The following FGD4 variants were observed in gnomAD, a reference collection of about 807,000 sequenced individuals.
The protein encoded by FGD4 is FYVE, RhoGEF and PH domain containing 4.
FGD4 carries 42 observed loss-of-function variants against 102.0 expected under a neutral mutation model. The observed-to-expected ratio is 0.41, with a 90% CI of 0.32 to 0.53. FGD4 has a LOEUF of 0.53. Ranked by LOEUF, FGD4 falls within the 20% of genes least tolerant of loss-of-function variation. The pLI, the probability that FGD4 is intolerant of heterozygous loss-of-function variation, is 0.21. For synonymous variants in FGD4, 380 were observed against 375.7 expected (o/e 1.01, Z -0.13); for missense variants, 902 against 1,078.2 (o/e 0.84, Z 2.29).
intron 1 of FGD4, among the ~76,000 whole-genome samples, chr12:32,519,462 A>G (rs1940271007): frequency 6.6e-6 from 1 of 152,086 alleles, no homozygotes; most frequent in Non-Finnish European, 1.5e-5. Context: ...CTGCAAGTAC[A>G]CTCAAACTTA....
At chr12:32,474,254 A>G (rs1943526741) in intron 1 of FGD4, among the ~76,000 whole-genome samples, 4 of 152,210 alleles carry the variant, frequency 2.6e-5, no homozygotes, top group Admixed American at 1.3e-4. Context: ...ACCTAGACAT[A>G]TACTCAAAAG....
At chr12:32,614,208 C>T (rs1949314040) in intron 10 of FGD4, among the ~76,000 whole-genome samples, 1 of 152,070 alleles carries the variant, frequency 6.6e-6, no homozygotes, top group Non-Finnish European at 1.5e-5. Context: ...AAATGTTGCA[C>T]CCAGATCAGC....
In FGD4 at chr12:32,625,733, T is replaced by C; in HGVS notation, c.2126T>C (p.Phe709Ser). ...VTMCMKCKEP[F>S]NALTRRRHHC... is the part of the protein sequence containing the mutation. Reference sequence around the variant, plus strand: ...ATGTGTATGAAATGTAAAGAACCTTTCAATGCACTGACACGAAGGAGGCAT... The same window carrying C: ...ATGTGTATGAAATGTAAAGAACCTTCCAATGCACTGACACGAAGGAGGCAT... Residue 709 changes from phenylalanine (F) to serine (S), a missense_variant, in exon 14 of 17, where the codon TTC (phenylalanine) becomes TCC (serine). Around this residue, in one of 2 missense-constraint regions of FGD4, gnomAD observed 459 missense variants for 619.0 expected, o/e 0.74. Coordinates refer to ENST00000534526, the MANE Select transcript of FGD4 (RefSeq NM_001370298.3). 1 of 1,614,084 alleles carries C rather than the reference T, an allele frequency of 6.2e-7. No individual in the cohort carries two copies. Among genetic ancestry groups the C allele is most frequent in the Non-Finnish European group, 8.5e-7 (1 of 1,180,006 alleles).
At chr12:32,605,414 G>A (rs1948716462) in intron 7 of FGD4, among the ~76,000 whole-genome samples, 1 of 151,190 alleles carries the variant, frequency 6.6e-6, no homozygotes, top group Non-Finnish European at 1.5e-5. Flanking sequence ...AGCTTCTTTT[G>A]CTAACTCTGA....
Position 32,479,393 on chromosome 12 carries a change from C to G in FGD4, c.166+79434C>G, listed in dbSNP as rs561504655. Among the ~76,000 whole-genome samples the G allele has an allele frequency of 8.9e-4, 136 of 152,120 alleles. 1 individual carries two copies. The highest frequency in any genetic ancestry group is 3.2e-3 in the African/African-American group (133 of 41,530). On this transcript the variant is annotated intron_variant, in intron 1 of 16. Coordinates refer to ENST00000534526, the MANE Select transcript of FGD4 (RefSeq NM_001370298.3). ...TATTTTTAATAGAAACGGGGTCTCC[C>G]TGTGTTGCCCAGGCTGGTCACAAAC...
chr12:32,588,638 T>C (rs760824979), intron 4 of FGD4, among the ~76,000 whole-genome samples: 1 of 152,184 alleles, frequency 6.6e-6, no homozygotes, highest in Non-Finnish European at 1.5e-5. Flanking sequence ...GTGACCATGA[T>C]TCTGAGAGCA....
At chr12:32,635,401 A>C (rs1293434983) in intron 15 of FGD4, among the ~76,000 whole-genome samples, 1 of 152,240 alleles carries the variant, frequency 6.6e-6, no homozygotes, top group Non-Finnish European at 1.5e-5. Context: ...CTGAGGAAAA[A>C]TTAATGAATT....
intron 1 of FGD4, among the ~76,000 whole-genome samples, chr12:32,480,906 T>C (rs1943740910): frequency 6.6e-6 from 1 of 151,134 alleles, no homozygotes; most frequent in Non-Finnish European, 1.5e-5. Context: ...TGGGCTTAAA[T>C]GATGCTCTCA....
At chr12:32,503,682 A>G (rs1447829333) in intron 1 of FGD4, among the ~76,000 whole-genome samples, 1 of 152,214 alleles carries the variant, frequency 6.6e-6, no homozygotes, top group African/African-American at 2.4e-5. Flanking sequence ...TCTTTTAATA[A>G]TAGTAGATAT....
At chr12:32,457,377 G>A (rs1942976332) in intron 1 of FGD4, among the ~76,000 whole-genome samples, 1 of 152,040 alleles carries the variant, frequency 6.6e-6, no homozygotes, top group Non-Finnish European at 1.5e-5. Context: ...GCCTAAAGAT[G>A]TCATGATCTT....
At chr12:32,412,898 A>ATTTTT (rs1203601981) in intron 1 of FGD4, among the ~76,000 whole-genome samples, 1 of 83,946 alleles carries the variant, frequency 1.2e-5, no homozygotes, top group African/African-American at 6.8e-5. Context: ...CTTTTCTAGA[A>ATTTTT]ATTTTTTTTT....
At position 32,643,207 on chromosome 12, in the gene FGD4, C is replaced by CT. The variant is rs1172790133; in HGVS notation, c.*2678dup. On this transcript the variant is annotated 3_prime_UTR_variant, in exon 17 of 17. Coordinates refer to ENST00000534526, the MANE Select transcript of FGD4 (RefSeq NM_001370298.3). ...TGTTAAGTATGAAATATAGTGCAGA[C>CT]TTTTATCTTGGTTTTAAGTGGGGCT... The CT allele has an allele frequency of 1.3e-5, 2 of 152,582 alleles. No homozygotes were observed. Among genetic ancestry groups the CT allele is most frequent in the African/African-American group, 4.8e-5 (2 of 41,544 alleles). The allele number at this position is 152,582 out of a possible 1,614,324, so 9.5% of individuals were successfully genotyped here.
intron 1 of FGD4, among the ~76,000 whole-genome samples, chr12:32,424,176 C>T (rs770465372): frequency 1.1e-4 from 17 of 152,120 alleles, no homozygotes; most frequent in Non-Finnish European, 2.2e-4. Context: ...TCCATCAACC[C>T]GTCATCTACA....
At chr12:32,480,814 T>A (rs1380758496) in intron 1 of FGD4, among the ~76,000 whole-genome samples, 13 of 147,528 alleles carry the variant, frequency 8.8e-5, no homozygotes, top group South Asian at 2.2e-4. Flanking sequence ...TTTTTTTTTT[T>A]AAATCTTGAG....
At chr12:32,416,884 C>CTTTTCT (rs1214709594) in intron 1 of FGD4, among the ~76,000 whole-genome samples, 7 of 151,550 alleles carry the variant, frequency 4.6e-5, no homozygotes, top group South Asian at 2.1e-4. Flanking sequence ...CATTAACGTC[C>CTTTTCT]TTTTCTTTTT....
chr12:32,591,452 T>A (rs1019244849), intron 4 of FGD4, among the ~76,000 whole-genome samples: 1 of 152,244 alleles, frequency 6.6e-6, no homozygotes, highest in Non-Finnish European at 1.5e-5. Flanking sequence ...CATTTTAAAA[T>A]AATTGAAGAT....
intron 10 of FGD4, among the ~76,000 whole-genome samples, chr12:32,616,983 T>TGA (rs3044442): frequency 8.2e-4 from 124 of 150,554 alleles, no homozygotes; most frequent in Non-Finnish European, 8.7e-4. Flanking sequence ...CATCACATGG[T>TGA]GAGAGAGAGA....
At chr12:32,473,279 T>A (rs1943476545) in intron 1 of FGD4, among the ~76,000 whole-genome samples, 1 of 151,966 alleles carries the variant, frequency 6.6e-6, no homozygotes, top group Non-Finnish European at 1.5e-5. Flanking sequence ...GTGGAAGTTT[T>A]GTTCTTTTGC....
intron 1 of FGD4, among the ~76,000 whole-genome samples, chr12:32,508,966 A>G (rs145710746): frequency 1.4e-4 from 21 of 152,278 alleles, no homozygotes; most frequent in African/African-American, 4.8e-4. Context: ...CAAAGTGTAT[A>G]TAGTTCACTT....
Sources: gnomAD v4.1 joint callset for allele counts (sites outside exome capture counted in the v4.1 genomes callset) on GRCh38, gnomAD v4.1.1 for gene constraint, gnomAD v4.1.1 regional missense constraint, MANE v1.5 for transcripts, NCBI Gene and HGNC (gene_info 2026-07-23, HGNC 2026-07-21) for gene names.